The following GALNTL6 variants were observed in gnomAD, a reference collection of about 807,000 sequenced individuals.
GALNTL6 encodes polypeptide N-acetylgalactosaminyltransferase like 6, also known as polypeptide N-acetylgalactosaminyltransferase-like 6.
Under a neutral mutation model 73.7 loss-of-function variants are expected in GALNTL6, and 46 were observed. The ratio of observed to expected loss-of-function variants is 0.62; its 90% confidence interval spans 0.49 to 0.80. GALNTL6 has a LOEUF of 0.80. Ranked by LOEUF, GALNTL6 falls within the 30% of genes least tolerant of loss-of-function variation. GALNTL6 has a pLI of 0.00. For missense variants in GALNTL6, 604 were observed against 755.0 expected (o/e 0.80, Z 2.34); for synonymous variants, 259 against 263.7 (o/e 0.98, Z 0.17).
intron 2 of GALNTL6, among the ~76,000 whole-genome samples, chr4:171,962,800 C>T (rs1375603286): frequency 2.5e-5 from 3 of 121,440 alleles, no homozygotes; most frequent in Non-Finnish European, 4.8e-5. Flanking sequence ...TGATGTCTCG[C>T]TCTGTCGCCA....
chr4:171,814,915 G>C (rs1347554180), intron 2 of GALNTL6, 197 bp downstream of exon 2: 1 of 600,344 alleles, frequency 1.7e-6, no homozygotes, highest in Non-Finnish European at 2.9e-6. Flanking sequence ...ATCGTGACAT[G>C]TACAACTAGT....
chr4:171,907,809 G>A (rs1457287951), intron 2 of GALNTL6, among the ~76,000 whole-genome samples: 1 of 151,620 alleles, frequency 6.6e-6, no homozygotes, highest in Non-Finnish European at 1.5e-5. Context: ...ATAGATCAAT[G>A]GAACAGAACA....
At chr4:171,842,939 T>C (rs1245814247) in intron 2 of GALNTL6, among the ~76,000 whole-genome samples, 1 of 152,156 alleles carries the variant, frequency 6.6e-6, no homozygotes, top group African/African-American at 2.4e-5. Flanking sequence ...TTGTTGCCTG[T>C]TCAACCATCC....
chr4:172,684,442 T>C (rs1732803158), intron 5 of GALNTL6, among the ~76,000 whole-genome samples: 1 of 152,174 alleles, frequency 6.6e-6, no homozygotes, highest in African/African-American at 2.4e-5. Flanking sequence ...AATTTTGTCA[T>C]ATGGATTAAA....
At chr4:172,416,194 A>G (rs1487031303) in intron 5 of GALNTL6, among the ~76,000 whole-genome samples, 3 of 152,200 alleles carry the variant, frequency 2.0e-5, no homozygotes, top group African/African-American at 7.2e-5. Context: ...GCACAACATT[A>G]GACGTAGGTG....
chr4:171,854,670 G>A (rs1004305422), intron 2 of GALNTL6, among the ~76,000 whole-genome samples: 3 of 152,168 alleles, frequency 2.0e-5, no homozygotes, highest in Admixed American at 6.5e-5. Flanking sequence ...GGAAGGTCAA[G>A]GTGCTAGAGG....
chr4:172,721,800 A>C lies in GALNTL6; in HGVS notation c.554-87561A>C, dbSNP rs150308072. 7.9e-4 allele frequency among the ~76,000 whole-genome samples: 120 copies of C among 151,966 alleles called. 1 individual carries two copies. The South Asian group carries it at 0.016, about 20-fold the overall frequency. ...TTTAGATGCAGGTGCACCAAACAGC[A>C]CTCTCTCTCTACTTCTCGTTATGTC... On this transcript the variant is annotated intron_variant, in intron 5 of 12. Transcript: ENST00000506823.
intron 5 of GALNTL6, among the ~76,000 whole-genome samples, chr4:172,665,699 T>G (rs1731622136): frequency 6.6e-6 from 1 of 152,242 alleles, no homozygotes; most frequent in Non-Finnish European, 1.5e-5. Flanking sequence ...ATGACTATTT[T>G]GCCTATCATA....
At chr4:172,389,186 A>C (rs541077371) in intron 5 of GALNTL6, among the ~76,000 whole-genome samples, 4 of 152,166 alleles carry the variant, frequency 2.6e-5, no homozygotes, top group African/African-American at 9.6e-5. Flanking sequence ...TACATATTTA[A>C]ATGTTTTTCT....
chr4:172,408,485 A>G lies in GALNTL6; in HGVS notation c.553+59796A>G, dbSNP rs539020193. ...GTGTGTACAGAAGTAGACACATTTTATCATATATTTACATATGTGTGACAT... is the reference window on the plus strand; with the variant it reads ...GTGTGTACAGAAGTAGACACATTTTGTCATATATTTACATATGTGTGACAT... On this transcript the variant is annotated intron_variant, in intron 5 of 12. Transcript: ENST00000506823. 3.9e-4 allele frequency among the ~76,000 whole-genome samples: 59 copies of G among 152,164 alleles called. 1 individual carries two copies. The South Asian group carries it at 0.012, about 31-fold the overall frequency.
chr4:172,445,024 C>A (rs1731970954), intron 5 of GALNTL6, among the ~76,000 whole-genome samples: 1 of 152,122 alleles, frequency 6.6e-6, no homozygotes, highest in South Asian at 2.1e-4. Context: ...GAAAAGCCAA[C>A]AAGTTGATTA....
intron 2 of GALNTL6, among the ~76,000 whole-genome samples, chr4:172,222,587 A>G (rs181221701): frequency 6.6e-6 from 1 of 152,010 alleles, no homozygotes; most frequent in Non-Finnish European, 1.5e-5. Flanking sequence ...ACCATTTGCC[A>G]GAACTGACTC....
intron 7 of GALNTL6, among the ~76,000 whole-genome samples, chr4:172,841,298 A>C (rs537279983): frequency 6.6e-6 from 1 of 152,200 alleles, no homozygotes; most frequent in South Asian, 2.1e-4. Flanking sequence ...CACTATTTCA[A>C]GTGTTCCGTG....
At chr4:172,438,549 G>A (rs1469282817) in intron 5 of GALNTL6, among the ~76,000 whole-genome samples, 3 of 151,778 alleles carry the variant, frequency 2.0e-5, no homozygotes, top group Non-Finnish European at 4.4e-5. Flanking sequence ...ATCCTCAACC[G>A]TTATGACCTT....
intron 2 of GALNTL6, among the ~76,000 whole-genome samples, chr4:171,965,916 C>G (rs1739370800): frequency 6.6e-6 from 1 of 152,144 alleles, no homozygotes; most frequent in South Asian, 2.1e-4. Flanking sequence ...ATGTCTAAAA[C>G]CAAATAAGGA....
chr4:172,174,318 T>A (rs1734924706), intron 2 of GALNTL6, among the ~76,000 whole-genome samples: 1 of 152,222 alleles, frequency 6.6e-6, no homozygotes, highest in Non-Finnish European at 1.5e-5. Flanking sequence ...ACGGTCTATG[T>A]ATAGCGGTGT....
chr4:172,564,433 T>C (rs1438280602), intron 5 of GALNTL6, among the ~76,000 whole-genome samples: 2 of 152,210 alleles, frequency 1.3e-5, no homozygotes, highest in East Asian at 1.9e-4. Flanking sequence ...TCAAAATAAA[T>C]GTATTTTCTA....
intron 5 of GALNTL6, among the ~76,000 whole-genome samples, chr4:172,793,421 C>T (rs985336079): frequency 5.9e-5 from 9 of 152,024 alleles, no homozygotes; most frequent in Non-Finnish European, 8.8e-5. Context: ...CTTGTCTGTC[C>T]GAAGACAGTG....
intron 2 of GALNTL6, among the ~76,000 whole-genome samples, chr4:172,043,387 A>T (rs1266065213): frequency 6.6e-6 from 1 of 151,990 alleles, no homozygotes. Flanking sequence ...GGTAGGGAAA[A>T]CTGATAAGAT....
Sources: allele counts gnomAD v4.1 joint callset (sites outside exome capture counted in the v4.1 genomes callset), GRCh38; gene constraint gnomAD v4.1.1; transcripts MANE v1.5; gene names NCBI Gene and HGNC (gene_info 2026-07-23, HGNC 2026-07-21).